ABCD3: variants seen among roughly 807,000 people sequenced by gnomAD.
ABCD3 encodes the protein ATP-binding cassette sub-family D member 3.
In ABCD3, 41 loss-of-function variants were observed where a neutral mutation model predicts 105.5. That is an observed-to-expected ratio of 0.39 (90% CI 0.30 to 0.50). The LOEUF is 0.50. Ranked by LOEUF, ABCD3 falls within the 20% of genes least tolerant of loss-of-function variation. The pLI is 0.84. For synonymous variants in ABCD3, 258 were observed against 269.0 expected (o/e 0.96, Z 0.40); for missense variants, 622 against 806.3 (o/e 0.77, Z 2.77).
chr1:94,464,370 A>C (rs1648032284), intron 2 of ABCD3, among the ~76,000 whole-genome samples: 1 of 152,058 alleles, frequency 6.6e-6, no homozygotes, highest in African/African-American at 2.4e-5. Flanking sequence ...GCTAATACAA[A>C]ACTCAGTAAA....
intron 1 of ABCD3, chr1:94,419,181 C>A: frequency 3.3e-6 from 2 of 607,072 alleles, no homozygotes; most frequent in Non-Finnish European, 4.1e-6. Context: ...AAGTGGTGAG[C>A]CCTTGGAGTC....
chr1:94,412,745 T>A, the ABCD3 span, among the ~76,000 whole-genome samples: 1 of 152,248 alleles, frequency 6.6e-6, no homozygotes, highest in Non-Finnish European at 1.5e-5. Flanking sequence ...GAACTAGTAA[T>A]CAAAAATTAC....
At chr1:94,412,223 T>A in the ABCD3 span, among the ~76,000 whole-genome samples, 1 of 152,130 alleles carries the variant, frequency 6.6e-6, no homozygotes, top group Admixed American at 6.5e-5. Flanking sequence ...ACTTAAAAGG[T>A]ACAAATTTAT....
intron 1 of ABCD3, chr1:94,419,245 C>G: frequency 1.5e-5 from 15 of 979,820 alleles, no homozygotes; most frequent in Non-Finnish European, 1.8e-5. Context: ...TCCGGAAAGG[C>G]TGGATCGGTT....
intron 4 of ABCD3, among the ~76,000 whole-genome samples, chr1:94,472,472 T>C (rs548456336): frequency 1.3e-5 from 2 of 151,538 alleles, no homozygotes; most frequent in South Asian, 4.2e-4. Context: ...TTTTTTTAAC[T>C]GTTTTACTTT....
chr1:94,513,392 C>T (rs1237464673), intron 21 of ABCD3: 2 of 152,028 alleles, frequency 1.3e-5, no homozygotes, highest in South Asian at 2.1e-4. Context: ...TTCTATAAAA[C>T]ATCAGTTCCA....
intron 16 of ABCD3, among the ~76,000 whole-genome samples, chr1:94,491,538 A>G (rs1364941666): frequency 6.6e-6 from 1 of 152,188 alleles, no homozygotes; most frequent in Non-Finnish European, 1.5e-5. Flanking sequence ...GTATTTAAAC[A>G]CACAAATATA....
the ABCD3 span, among the ~76,000 whole-genome samples, chr1:94,397,665 G>A: frequency 6.6e-6 from 1 of 152,030 alleles, no homozygotes; most frequent in Non-Finnish European, 1.5e-5. Flanking sequence ...GTATGTGCCA[G>A]GTTTCTCTAC....
intron 1 of ABCD3, among the ~76,000 whole-genome samples, chr1:94,424,220 G>A (rs10157506): frequency 0.36 from 54,279 of 151,936 alleles, 11,350 homozygotes; most frequent in Middle Eastern, 0.55. Flanking sequence ...CTGAGTACAG[G>A]TTGTTTAATT....
intron 20 of ABCD3, 129 bp downstream of exon 20, chr1:94,499,743 C>G: frequency 5.2e-6 from 6 of 1,148,510 alleles, no homozygotes; most frequent in Non-Finnish European, 7.5e-6. Context: ...TTTAAATTAT[C>G]ATAAAAGTGC....
intron 2 of ABCD3, among the ~76,000 whole-genome samples, chr1:94,462,199 A>G (rs879788495): frequency 6.6e-6 from 1 of 151,778 alleles, no homozygotes; most frequent in Non-Finnish European, 1.5e-5. Context: ...TTTTTTTTAT[A>G]TTTAAAAAAA....
chr1:94,510,099 T>C (rs996150638), intron 21 of ABCD3, among the ~76,000 whole-genome samples: 1 of 152,212 alleles, frequency 6.6e-6, no homozygotes, highest in African/African-American at 2.4e-5. Flanking sequence ...CAATTTTGGA[T>C]CTTTCCTGCT....
intron 21 of ABCD3, among the ~76,000 whole-genome samples, chr1:94,512,006 T>C (rs1157927503): frequency 6.6e-6 from 1 of 152,184 alleles, no homozygotes; most frequent in Non-Finnish European, 1.5e-5. Flanking sequence ...AAAGTCATTC[T>C]CCGTCCAGCT....
At chr1:94,498,262 G>A (rs539975308) in intron 16 of ABCD3, among the ~76,000 whole-genome samples, 3 of 151,994 alleles carry the variant, frequency 2.0e-5, no homozygotes, top group South Asian at 2.1e-4. Flanking sequence ...GTAGAGATGA[G>A]GGTCTTGTTT....
intron 7 of ABCD3, among the ~76,000 whole-genome samples, 162 bp downstream of exon 7, chr1:94,475,899 A>T (rs1252678899): frequency 6.6e-6 from 1 of 152,082 alleles, no homozygotes; most frequent in Non-Finnish European, 1.5e-5. Flanking sequence ...AATTATTTTA[A>T]TTTTTTCTAT....
intron 16 of ABCD3, among the ~76,000 whole-genome samples, chr1:94,495,995 ACT>A (rs1037290409): frequency 6.6e-6 from 1 of 151,912 alleles, no homozygotes; most frequent in African/African-American, 2.4e-5. Context: ...CATCTGAACG[ACT>A]CTTTAACAAT....
At chr1:94,504,101 C>T (rs1403479890) in intron 20 of ABCD3, among the ~76,000 whole-genome samples, 1 of 151,728 alleles carries the variant, frequency 6.6e-6, no homozygotes, top group Non-Finnish European at 1.5e-5. Flanking sequence ...TTAGTAGAGA[C>T]AGGGTTTCAC....
chr1:94,496,452 TG>T (rs398103039), intron 16 of ABCD3, among the ~76,000 whole-genome samples: 5 of 13,656 alleles, frequency 3.7e-4, no homozygotes, highest in Admixed American at 1.4e-3. Context: ...GCCATTTCAT[TG>T]TGTGTGTGTG....
chr1:94,412,638 G>A, the ABCD3 span, among the ~76,000 whole-genome samples: 1 of 152,176 alleles, frequency 6.6e-6, no homozygotes, highest in African/African-American at 2.4e-5. Context: ...ATTCCCTGGA[G>A]TGGAATTCTG....
Sources: gnomAD v4.1 joint callset for allele counts (sites outside exome capture counted in the v4.1 genomes callset) on GRCh38, gnomAD v4.1.1 for gene constraint, MANE v1.5 for transcripts, NCBI Gene and HGNC (gene_info 2026-07-23, HGNC 2026-07-21) for gene names.